CELF2: variants seen among roughly 807,000 people sequenced by gnomAD.
The protein encoded by CELF2 is CUGBP Elav-like family member 2, also known as CUG triplet repeat RNA-binding protein 2.
Under a neutral mutation model 62.6 loss-of-function variants are expected in CELF2, and 8 were observed. The observed-to-expected ratio is 0.13, with a 90% CI of 0.07 to 0.23. The LOEUF is 0.23. Among genes scored for constraint, CELF2 ranks in the 10% least tolerant of loss-of-function variants. The pLI is 1.00. For synonymous variants in CELF2, 258 were observed against 250.0 expected (o/e 1.03, Z -0.30); for missense variants, 333 against 671.0 (o/e 0.50, Z 5.56).
At chr10:10,731,142 A>G in the CELF2 span, among the ~76,000 whole-genome samples, 32 of 152,290 alleles carry the variant, frequency 2.1e-4, no homozygotes, top group African/African-American at 7.2e-4. Flanking sequence ...GTTTGATTGA[A>G]CATTAAATAT....
intron 9 of CELF2, among the ~76,000 whole-genome samples, chr10:11,288,804 T>A (rs2091962301): frequency 6.6e-6 from 1 of 152,260 alleles, no homozygotes; most frequent in Admixed American, 6.5e-5. Context: ...TTCTCACACA[T>A]TCACTCTGTT....
chr10:10,563,240 C>A, the CELF2 span, among the ~76,000 whole-genome samples: 3 of 152,098 alleles, frequency 2.0e-5, no homozygotes, highest in Non-Finnish European at 4.4e-5. Flanking sequence ...CTAGAAGACA[C>A]CCAGCCAGGA....
chr10:10,796,368 C>T (rs936669661), upstream of CELF2, among the ~76,000 whole-genome samples: 2 of 152,224 alleles, frequency 1.3e-5, no homozygotes, highest in African/African-American at 2.4e-5. Flanking sequence ...TGTTTCTGTA[C>T]TTGGGCTTGG....
intron 1 of CELF2, among the ~76,000 whole-genome samples, chr10:10,816,573 G>A (rs371438219): frequency 5.9e-5 from 9 of 152,286 alleles, no homozygotes; most frequent in East Asian, 5.8e-4. Flanking sequence ...AGAGGAATAC[G>A]TGGAAAATTA....
chr10:11,254,292 G>A (rs77361826), intron 4 of CELF2, among the ~76,000 whole-genome samples: 11,862 of 152,330 alleles, frequency 0.078, 564 homozygotes, highest in Non-Finnish European at 0.11. Context: ...TTGAAACCAC[G>A]GAGCAACTTT....
the CELF2 span, among the ~76,000 whole-genome samples, chr10:10,532,139 C>A: frequency 2.0e-5 from 3 of 152,210 alleles, no homozygotes; most frequent in Non-Finnish European, 4.4e-5. Flanking sequence ...TCTTTGCAAC[C>A]CTTTCTGTTA....
At chr10:11,196,850 T>C (rs2057653940) in intron 2 of CELF2, among the ~76,000 whole-genome samples, 1 of 150,888 alleles carries the variant, frequency 6.6e-6, no homozygotes, top group African/African-American at 2.4e-5. Flanking sequence ...TCCCAGCCGC[T>C]CATGGGGCTG....
the CELF2 span, among the ~76,000 whole-genome samples, chr10:10,718,422 G>T: frequency 3.2e-4 from 48 of 152,012 alleles, no homozygotes; most frequent in South Asian, 8.3e-4. Context: ...TCGGGAGTTC[G>T]AGACCAACCT....
At chr10:11,121,435 C>T (rs1026729697) in intron 1 of CELF2, among the ~76,000 whole-genome samples, 2 of 152,150 alleles carry the variant, frequency 1.3e-5, no homozygotes, top group African/African-American at 4.8e-5. Context: ...TCATTCCTCT[C>T]TCCCTCTGTC....
the CELF2 span, among the ~76,000 whole-genome samples, chr10:10,767,208 ACCG>A: frequency 1.3e-5 from 2 of 151,976 alleles, no homozygotes; most frequent in African/African-American, 4.8e-5. Flanking sequence ...AACCAACAGT[ACCG>A]CCACCACCAC....
At chr10:10,480,454 G>A in the CELF2 span, among the ~76,000 whole-genome samples, 1 of 152,170 alleles carries the variant, frequency 6.6e-6, no homozygotes, top group Non-Finnish European at 1.5e-5. Flanking sequence ...CAATTTGAGG[G>A]TAATTCAGAG....
intron 1 of CELF2, among the ~76,000 whole-genome samples, chr10:11,131,395 A>G (rs1415339387): frequency 6.6e-6 from 1 of 152,214 alleles, no homozygotes; most frequent in Non-Finnish European, 1.5e-5. Flanking sequence ...CCCAATGGTA[A>G]GATCTGGGAT....
At chr10:10,937,213 C>T (rs1359636184) in intron 2 of CELF2, among the ~76,000 whole-genome samples, 4 of 149,252 alleles carry the variant, frequency 2.7e-5, no homozygotes, top group African/African-American at 9.9e-5. Context: ...CGGGAGGCAA[C>T]CTCCGCCTCC....
At chr10:10,807,164 A>C (rs1182964259) in intron 1 of CELF2, among the ~76,000 whole-genome samples, 1 of 152,238 alleles carries the variant, frequency 6.6e-6, no homozygotes, top group Admixed American at 6.5e-5. Context: ...TAGCAAGCCA[A>C]GCCAGGAACT....
chr10:10,548,717 C>T, the CELF2 span, among the ~76,000 whole-genome samples: 1 of 151,996 alleles, frequency 6.6e-6, no homozygotes, highest in Non-Finnish European at 1.5e-5. Context: ...ATATAATAGT[C>T]ATAAATAAAT....
chr10:11,005,322 G>A lies in CELF2; in HGVS notation c.-66G>A, dbSNP rs1278942445. The A allele has an allele frequency of 2.5e-6, 4 of 1,611,156 alleles. No homozygotes were observed. The highest frequency in any genetic ancestry group is 1.3e-5 in the African/African-American group (1 of 74,720). On this transcript the variant is annotated 5_prime_UTR_variant, in exon 1 of 13. Transcript: ENST00000416382. This position sits in a 1 kb window ranked among gnomAD's most constrained non-coding sequence, Gnocchi z 4.3. ...AGGAGAGGGCGCGTTAGTGAGCAGC[G>A]ACTGTGGCATTGATGTTTGAGCATA...
intron 1 of CELF2, among the ~76,000 whole-genome samples, chr10:11,086,596 A>AAAAAAC (rs1554826554): frequency 2.0e-5 from 3 of 148,142 alleles, no homozygotes; most frequent in Non-Finnish European, 4.5e-5. Flanking sequence ...AAAAAAAAAA[A>AAAAAAC]AAAAAAAAAA....
chr10:10,732,185 C>A, the CELF2 span, among the ~76,000 whole-genome samples: 2 of 152,182 alleles, frequency 1.3e-5, no homozygotes, highest in African/African-American at 4.8e-5. Flanking sequence ...TGGGGTCCGG[C>A]ATGCACAGCT....
chr10:10,596,298 T>G, the CELF2 span, among the ~76,000 whole-genome samples: 1 of 152,192 alleles, frequency 6.6e-6, no homozygotes, highest in Non-Finnish European at 1.5e-5. Context: ...CATTCAAGTC[T>G]TCATTATAAT....
Sources: gnomAD v4.1 joint callset for allele counts (sites outside exome capture counted in the v4.1 genomes callset) on GRCh38, gnomAD v4.1.1 for gene constraint, Gnocchi (gnomAD v3.1) non-coding constraint, MANE v1.5 for transcripts, NCBI Gene and HGNC (gene_info 2026-07-23, HGNC 2026-07-21) for gene names.